The following TANC2 variants were observed in gnomAD, a reference collection of about 807,000 sequenced individuals.
TANC2 encodes the protein protein TANC2.
A neutral mutation model predicts 210.5 loss-of-function variants in TANC2; 26 were observed. The ratio of observed to expected loss-of-function variants is 0.12; its 90% CI spans 0.09 to 0.17. The LOEUF is 0.17. Ranked by LOEUF, TANC2 falls within the 10% of genes least tolerant of loss-of-function variation. The pLI is 1.00. For missense variants in TANC2, 2,129 were observed against 2,608.9 expected, an observed-to-expected ratio of 0.82 and a Z score of 4.01; for synonymous variants, 931 against 967.1, an observed-to-expected ratio of 0.96 and a Z score of 0.69.
chr17:63,257,734 A>G (rs1295825007), intron 8 of TANC2, among the ~76,000 whole-genome samples: 2 of 152,232 alleles, frequency 1.3e-5, no homozygotes, highest in African/African-American at 4.8e-5. Context: ...AAACCAACTA[A>G]TAAGCAAAGA....
chr17:63,166,271 A>G (rs1403899771), intron 5 of TANC2, among the ~76,000 whole-genome samples: 2 of 152,174 alleles, frequency 1.3e-5, no homozygotes, highest in African/African-American at 4.8e-5. Flanking sequence ...CAAAAGGAAG[A>G]GTTTGTAATG....
intron 9 of TANC2, among the ~76,000 whole-genome samples, chr17:63,302,707 C>A (rs922871009): frequency 2.7e-5 from 4 of 146,268 alleles, no homozygotes; most frequent in African/African-American, 1.0e-4. Context: ...GATGGGTCTC[C>A]TGAATACAGC....
intron 1 of TANC2, 47 bp from the exon 2 acceptor site, chr17:63,009,490 G>A: frequency 7.2e-7 from 1 of 1,394,174 alleles, no homozygotes; most frequent in Non-Finnish European, 1.0e-6. Flanking sequence ...CTTATGCTAT[G>A]AAAATAAAGT....
At chr17:63,209,627 G>T (rs907003623) in intron 7 of TANC2, among the ~76,000 whole-genome samples, 1 of 151,608 alleles carries the variant, frequency 6.6e-6, no homozygotes, top group Non-Finnish European at 1.5e-5. Flanking sequence ...TAGAGACAGG[G>T]TTTCCCTATG....
intron 6 of TANC2, among the ~76,000 whole-genome samples, chr17:63,195,706 CT>C (rs555956019): frequency 8.6e-4 from 131 of 152,296 alleles, no homozygotes; most frequent in African/African-American, 3.1e-3. Flanking sequence ...TCTTGCCCCC[CT>C]GTAGTCTGTT....
rs753119278 is a variant in TANC2 at position 63,421,606 on chromosome 17, C to T, written c.5876C>T (p.Thr1959Ile). Reference sequence around the variant, plus strand: ...ACCTGGGCAGTGTCATCTGTGGACACCGTCCTCAGTCCCACGTCTCCAGGC... The same window carrying T: ...ACCTGGGCAGTGTCATCTGTGGACATCGTCCTCAGTCCCACGTCTCCAGGC... Residue 1959 changes from threonine (T) to isoleucine (I), a missense_variant, in exon 28 of 28, where the codon ACC (threonine) becomes ATC (isoleucine). Physicochemically the swap from Thr to Ile is moderately conservative, Grantham distance 89. Transcript: ENST00000689528. The surrounding 1 kb of genome is among the most constrained non-coding windows in gnomAD (Gnocchi z 6.9). 6.2e-7 allele frequency: 1 copy of T among 1,613,980 alleles called. No individual in the cohort carries two copies. Among genetic ancestry groups the T allele is most frequent in the South Asian group, 1.1e-5 (1 of 91,076 alleles).
intron 8 of TANC2, among the ~76,000 whole-genome samples, chr17:63,255,532 C>A (rs1243191246): frequency 1.3e-5 from 2 of 152,072 alleles, no homozygotes; most frequent in Non-Finnish European, 2.9e-5. Context: ...CTTCATAGTT[C>A]AGTCTTGGTA....
chr17:63,078,995 T>TA (rs1180872184), intron 3 of TANC2, among the ~76,000 whole-genome samples: 1 of 152,244 alleles, frequency 6.6e-6, no homozygotes, highest in Admixed American at 6.5e-5. Context: ...TCTCAGGCTA[T>TA]AACTGTGGAT....
At chr17:63,200,711 T>C (rs1483127243) in intron 6 of TANC2, 60 bp from the exon 7 acceptor site, 2 of 1,430,772 alleles carry the variant, frequency 1.4e-6, no homozygotes, top group East Asian at 2.3e-5. Context: ...TATTTTATCT[T>C]AAAATATACT....
intron 5 of TANC2, among the ~76,000 whole-genome samples, chr17:63,169,963 C>T (rs886474713): frequency 6.9e-6 from 1 of 145,240 alleles, no homozygotes; most frequent in African/African-American, 2.6e-5. Context: ...ATTAAAAATA[C>T]AAAAAATTAG....
At chr17:63,081,470 G>A (rs1304381331) in intron 3 of TANC2, among the ~76,000 whole-genome samples, 15 of 152,132 alleles carry the variant, frequency 9.9e-5, no homozygotes, top group African/African-American at 1.2e-4. Context: ...GCAAGGATGC[G>A]TATGCATATA....
At chr17:63,005,764 C>T (rs2033594460) in intron 1 of TANC2, among the ~76,000 whole-genome samples, 1 of 152,084 alleles carries the variant, frequency 6.6e-6, no homozygotes, top group East Asian at 1.9e-4. Flanking sequence ...TAATATCATG[C>T]AATACTTATA....
intron 9 of TANC2, among the ~76,000 whole-genome samples, chr17:63,311,922 C>T (rs1358339838): frequency 6.6e-6 from 1 of 152,090 alleles, no homozygotes; most frequent in Non-Finnish European, 1.5e-5. Flanking sequence ...TACTGATTGC[C>T]AGGGACTGGG....
chr17:63,001,943 T>TGCTAAATCA (rs1158954294), intron 1 of TANC2, among the ~76,000 whole-genome samples: 2 of 152,218 alleles, frequency 1.3e-5, no homozygotes, highest in African/African-American at 4.8e-5. Flanking sequence ...GCACTTCCTG[T>TGCTAAATCA]GTATCAAGTA....
chr17:63,053,411 A>G (rs2035653742), intron 2 of TANC2, among the ~76,000 whole-genome samples: 1 of 152,110 alleles, frequency 6.6e-6, no homozygotes, highest in Admixed American at 6.6e-5. Context: ...TTAATATTTG[A>G]TCTTTTCCAC....
At chr17:63,151,593 A>G (rs2039655057) in intron 5 of TANC2, 2 of 154,392 alleles carry the variant, frequency 1.3e-5, no homozygotes, top group African/African-American at 4.8e-5. Context: ...ATAATTTCAA[A>G]GGTAATTTTC....
chr17:63,030,781 T>C (rs1220777351), intron 2 of TANC2, among the ~76,000 whole-genome samples: 4 of 152,136 alleles, frequency 2.6e-5, no homozygotes, highest in African/African-American at 9.7e-5. Context: ...AATAAAGGAT[T>C]GGATAGGCAA....
chr17:63,101,102 A>G (rs117500585), intron 4 of TANC2, among the ~76,000 whole-genome samples: 15 of 152,312 alleles, frequency 9.8e-5, no homozygotes, highest in South Asian at 8.3e-4. Flanking sequence ...GATGATAAGA[A>G]TTGTCTAGTT....
At chr17:63,093,245 T>G (rs1048294768) in intron 3 of TANC2, among the ~76,000 whole-genome samples, 35 of 151,938 alleles carry the variant, frequency 2.3e-4, no homozygotes, top group Non-Finnish European at 4.7e-4. Context: ...TTTTATAGTT[T>G]TTTTTTTTAA....
Sources: gnomAD v4.1 joint callset for allele counts (sites outside exome capture counted in the v4.1 genomes callset) on GRCh38, gnomAD v4.1.1 for gene constraint, Gnocchi (gnomAD v3.1) non-coding constraint, MANE v1.5 for transcripts, NCBI Gene and HGNC (gene_info 2026-07-23, HGNC 2026-07-21) for gene names.